Variants in ALK observed in about 807,000 individuals in gnomAD.
ALK encodes ALK receptor tyrosine kinase, also known as ALK tyrosine kinase receptor.
A neutral mutation model predicts 163.1 loss-of-function variants in ALK; 74 were observed. That is an observed-to-expected ratio of 0.45 (90% CI 0.38 to 0.55). The LOEUF is 0.55. Among genes scored for constraint, ALK ranks in the 20% least tolerant of loss-of-function variants. ALK has a pLI of 0.00. For synonymous variants in ALK, 960 were observed against 843.2 expected (o/e 1.14, Z -2.40); for missense variants, 2,063 against 2,105.3 (o/e 0.98, Z 0.39).
At chr2:29,559,000 G>T (rs944032428) in intron 3 of ALK, among the ~76,000 whole-genome samples, 2 of 152,164 alleles carry the variant, frequency 1.3e-5, no homozygotes, top group Admixed American at 6.5e-5. Context: ...CTATAAACAT[G>T]CACAGGTGGG....
At chr2:29,683,671 C>A (rs2148280856) in intron 3 of ALK, among the ~76,000 whole-genome samples, 1 of 152,254 alleles carries the variant, frequency 6.6e-6, no homozygotes, top group South Asian at 2.1e-4. Flanking sequence ...TCAGCAAATC[C>A]TTTGTCATGT....
intron 3 of ALK, among the ~76,000 whole-genome samples, chr2:29,564,741 C>G (rs1558386468): frequency 1.3e-5 from 2 of 152,188 alleles, no homozygotes; most frequent in Non-Finnish European, 2.9e-5. Flanking sequence ...GGGGGTATCT[C>G]AGGTTCCACT....
rs953452412 is a variant in ALK, at chr2:29,421,863, C to T, written c.1155-38004G>A. On this transcript the variant is annotated intron_variant, in intron 4 of 28. Transcript: ENST00000389048. ...TCCTCCAGAGCCCCATTCTGCAAAT[C>T]GGAAACTCTACAGAACACCCCACTG... Among the ~76,000 whole-genome samples the T allele has an allele frequency of 7.9e-5, 12 of 151,758 alleles. 1 individual carries two copies. Among genetic ancestry groups the T allele is most frequent in the African/African-American group, 1.7e-4 (7 of 41,034 alleles).
At chr2:29,290,843 G>T (rs1666002846) in intron 9 of ALK, among the ~76,000 whole-genome samples, 1 of 152,142 alleles carries the variant, frequency 6.6e-6, no homozygotes, top group Non-Finnish European at 1.5e-5. Flanking sequence ...CTGGAGAGGG[G>T]ACACAATGGC....
chr2:29,829,043 T>TTC (rs1378436852), intron 1 of ALK, among the ~76,000 whole-genome samples: 1 of 151,556 alleles, frequency 6.6e-6, no homozygotes, highest in Non-Finnish European at 1.5e-5. Flanking sequence ...GAAACCATCA[T>TTC]TCTCAGCAAA....
At chr2:29,350,424 C>A (rs1007120546) in intron 5 of ALK, among the ~76,000 whole-genome samples, 3 of 152,164 alleles carry the variant, frequency 2.0e-5, no homozygotes, top group African/African-American at 7.2e-5. Flanking sequence ...GGAGAGGGGA[C>A]TGGCAGATGT....
chr2:29,370,928 A>C (rs1191944977), intron 5 of ALK, among the ~76,000 whole-genome samples: 1 of 152,214 alleles, frequency 6.6e-6, no homozygotes, highest in Non-Finnish European at 1.5e-5. Context: ...CAGTGATATA[A>C]ATGATTAATG....
chr2:29,215,084 C>T (rs2148160678), intron 23 of ALK, among the ~76,000 whole-genome samples: 1 of 152,310 alleles, frequency 6.6e-6, no homozygotes, highest in African/African-American at 2.4e-5. Context: ...TTAGGGCCGC[C>T]CCAAGAAAGG....
intron 2 of ALK, among the ~76,000 whole-genome samples, chr2:29,712,655 G>C (rs1400996479): frequency 6.6e-6 from 1 of 151,834 alleles, no homozygotes. Context: ...AATTTACCTA[G>C]TCTTTTCAAT....
At chr2:29,687,688 C>T (rs1678279024) in intron 3 of ALK, among the ~76,000 whole-genome samples, 1 of 151,988 alleles carries the variant, frequency 6.6e-6, no homozygotes, top group Non-Finnish European at 1.5e-5. Context: ...TGGTATATTT[C>T]CTTACAGACT....
chr2:29,711,362 C>T (rs1332979726), intron 2 of ALK, among the ~76,000 whole-genome samples: 1 of 152,204 alleles, frequency 6.6e-6, no homozygotes, highest in African/African-American at 2.4e-5. Context: ...GTCTCCAAAA[C>T]ATCTCCCTTC....
intron 1 of ALK, among the ~76,000 whole-genome samples, chr2:29,878,549 T>C (rs1267061040): frequency 6.6e-6 from 1 of 152,224 alleles, no homozygotes; most frequent in East Asian, 1.9e-4. Flanking sequence ...TGCTGAAAGG[T>C]CCTGTTGAGG....
intron 4 of ALK, among the ~76,000 whole-genome samples, chr2:29,521,041 C>T (rs1444451426): frequency 6.6e-6 from 1 of 152,134 alleles, no homozygotes; most frequent in Non-Finnish European, 1.5e-5. Context: ...TGCAAAATAC[C>T]AATTTGACTG....
At chr2:29,751,958 G>A (rs1331492856) in intron 1 of ALK, among the ~76,000 whole-genome samples, 1 of 152,152 alleles carries the variant, frequency 6.6e-6, no homozygotes, top group Non-Finnish European at 1.5e-5. Flanking sequence ...AGTGGTAGAG[G>A]TATTATCCCC....
intron 1 of ALK, among the ~76,000 whole-genome samples, chr2:29,858,299 G>A (rs554502508): frequency 2.0e-4 from 31 of 152,130 alleles, no homozygotes; most frequent in Non-Finnish European, 1.8e-4. Flanking sequence ...AAATGGAACC[G>A]TAGGCACTCT....
At chr2:29,525,491 T>C (rs114681173) in intron 4 of ALK, among the ~76,000 whole-genome samples, 1,695 of 152,202 alleles carry the variant, frequency 0.011, 8 homozygotes, top group Non-Finnish European at 0.018. Flanking sequence ...AAAATCAGAA[T>C]AGCTCAAGAT....
chr2:29,880,488 C>A (rs1666828731), intron 1 of ALK, among the ~76,000 whole-genome samples: 2 of 152,118 alleles, frequency 1.3e-5, no homozygotes, highest in Admixed American at 1.3e-4. Flanking sequence ...GGACTCCCCA[C>A]TTTGGACCAA....
At chr2:29,696,471 C>T (rs1430297652) in intron 2 of ALK, among the ~76,000 whole-genome samples, 2 of 145,984 alleles carry the variant, frequency 1.4e-5, no homozygotes, top group Admixed American at 7.0e-5. Flanking sequence ...CACCATGGCA[C>T]GTGTATACCT....
chr2:29,491,529 G>A (rs1671902031), intron 4 of ALK, among the ~76,000 whole-genome samples: 1 of 152,164 alleles, frequency 6.6e-6, no homozygotes, highest in African/African-American at 2.4e-5. Context: ...TACTAGACCT[G>A]ACAACGGAGC....
Sources: gnomAD v4.1 joint callset for allele counts (sites outside exome capture counted in the v4.1 genomes callset) on GRCh38, gnomAD v4.1.1 for gene constraint, MANE v1.5 for transcripts, NCBI Gene and HGNC (gene_info 2026-07-23, HGNC 2026-07-21) for gene names.